UTRN: variants seen among roughly 807,000 people sequenced by gnomAD.
The protein encoded by UTRN is utrophin.
Under a neutral mutation model 463.9 loss-of-function variants are expected in UTRN, and 283 were observed. The observed-to-expected ratio is 0.61, with a 90% CI of 0.55 to 0.67. The LOEUF (loss-of-function observed/expected upper bound fraction) is 0.67, where lower values mean the gene tolerates loss of function less well. Ranked by LOEUF, UTRN falls within the 30% of genes least tolerant of loss-of-function variation. The probability of loss-of-function intolerance (pLI) is 0.00; values close to 1 mark genes in which losing one functional copy is unlikely to be tolerated. For synonymous variants in UTRN, 1,442 were observed against 1,431.5 expected, an observed-to-expected ratio of 1.01 and a Z score of -0.17; for missense variants, 3,922 against 4,084.3, an observed-to-expected ratio of 0.96 and a Z score of 1.08.
intron 51 of UTRN, among the ~76,000 whole-genome samples, chr6:144,658,544 C>T (rs1483127723): frequency 2.0e-5 from 3 of 152,074 alleles, no homozygotes; most frequent in Admixed American, 6.5e-5. Context: ...TAGGGGTTCC[C>T]CCCCCCACTT....
At position 144,557,322 on chromosome 6, in the gene UTRN, G is replaced by C. The variant is rs752703083; in HGVS notation, c.7289+11G>C. The C allele has an allele frequency of 6.2e-7, 1 of 1,604,926 alleles. No individual in the cohort carries two copies. The highest frequency in any genetic ancestry group is 2.2e-5 in the East Asian group (1 of 44,552). ...CAATCTCAAACAAAGGTAAGTCTAA[G>C]GCCCTGGCAGGTAAATGTATATTGT... On this transcript the variant is annotated intron_variant, in intron 50 of 74. Transcript: ENST00000367545.
chr6:144,337,677 T>G (rs1443457609), intron 2 of UTRN, among the ~76,000 whole-genome samples: 1 of 152,144 alleles, frequency 6.6e-6, no homozygotes, highest in African/African-American at 2.4e-5. Flanking sequence ...TGCAGTGGTG[T>G]GATCTCAGCC....
chr6:144,725,711 A>T (rs1787801614), intron 53 of UTRN, among the ~76,000 whole-genome samples: 1 of 152,254 alleles, frequency 6.6e-6, no homozygotes, highest in Non-Finnish European at 1.5e-5. Context: ...AGAGAGTTAA[A>T]GTGTGAAATG....
intron 11 of UTRN, 112 bp from the exon 12 acceptor site, chr6:144,438,633 T>A (rs1786819751): frequency 7.6e-7 from 1 of 1,314,490 alleles, no homozygotes; most frequent in Non-Finnish European, 1.1e-6. Context: ...CTACCTTGAA[T>A]GTTTAGACAA....
chr6:144,568,824 T>C (rs940948514), intron 50 of UTRN, among the ~76,000 whole-genome samples: 2 of 152,150 alleles, frequency 1.3e-5, no homozygotes, highest in African/African-American at 4.8e-5. Context: ...AAGCCCCTTA[T>C]TTTAAGGATG....
intron 2 of UTRN, among the ~76,000 whole-genome samples, chr6:144,369,294 A>G (rs1198671611): frequency 6.6e-6 from 1 of 152,164 alleles, no homozygotes; most frequent in Non-Finnish European, 1.5e-5. Flanking sequence ...GTGTAGTTGT[A>G]TTTTAAAAGT....
intron 51 of UTRN, chr6:144,660,411 G>A (rs1779752444): frequency 2.7e-6 from 1 of 371,836 alleles, no homozygotes; most frequent in Admixed American, 3.3e-5. Flanking sequence ...CAATTTTGCT[G>A]TCTCCTTTAA....
At chr6:144,485,306 G>C (rs1275955987) in intron 27 of UTRN, 79 bp from the exon 28 acceptor site, 1 of 1,551,154 alleles carries the variant, frequency 6.4e-7, no homozygotes, top group South Asian at 1.2e-5. Flanking sequence ...AATTATTAGC[G>C]ATTAAAGAGA....
At chr6:144,682,577 T>C (rs1247348778) in intron 52 of UTRN, among the ~76,000 whole-genome samples, 1 of 152,204 alleles carries the variant, frequency 6.6e-6, no homozygotes, top group Non-Finnish European at 1.5e-5. Flanking sequence ...CCATAGTGTT[T>C]ATATTAACTT....
chr6:144,474,625 A>G lies in UTRN; in HGVS notation c.3202A>G (p.Thr1068Ala). The part of the protein sequence containing the change: ...QCSAFVNEIE[T>A]IESSLKNMKE... Reference sequence around the variant, plus strand: ...TTAGGCATTTGTTAATGAAATAGAAACAATTGAATCATCTCTGAAAAACAT... The same window carrying G: ...TTAGGCATTTGTTAATGAAATAGAAGCAATTGAATCATCTCTGAAAAACAT... The change falls in exon 25 of 75, where the codon ACA becomes GCA. Residue 1068 changes from threonine to alanine, a missense_variant. Thr to Ala is a moderately conservative substitution (Grantham distance 58, BLOSUM62 0). This residue lies in a region of UTRN where 2,349 missense variants were observed against 2,303.8 expected (regional missense o/e 1.02). Transcript: ENST00000367545. 1 of 1,613,122 alleles carries G rather than the reference A, an allele frequency of 6.2e-7. No homozygotes were observed.
intron 50 of UTRN, among the ~76,000 whole-genome samples, chr6:144,557,998 T>G (rs987895405): frequency 6.6e-6 from 1 of 152,200 alleles, no homozygotes; most frequent in Admixed American, 6.5e-5. Flanking sequence ...ATCATGCATA[T>G]AGTACTGGGA....
chr6:144,485,888 C>CT (rs888228089), intron 28 of UTRN, among the ~76,000 whole-genome samples: 6 of 152,328 alleles, frequency 3.9e-5, no homozygotes, highest in East Asian at 3.9e-4. Flanking sequence ...AAACACAGCA[C>CT]TGACAGTTTA....
At chr6:144,658,708 T>C (rs1779572012) in intron 51 of UTRN, among the ~76,000 whole-genome samples, 1 of 152,274 alleles carries the variant, frequency 6.6e-6, no homozygotes, top group Admixed American at 6.5e-5. Flanking sequence ...ATTTCTGTTA[T>C]ACTTTATTGG....
rs185722330 is a variant in UTRN at position 144,748,251 on chromosome 6, A to G, written c.7945A>G (p.Thr2649Ala). The change falls in exon 55 of 75, where the codon ACT (threonine) becomes GCT (alanine). Residue 2649 changes from threonine to alanine, a missense_variant. Coordinates refer to ENST00000367545, the MANE Select transcript of UTRN (RefSeq NM_007124.3). ...RRNLQSKTEL[T>A]PEERAQKIAK... The stretch of plus-strand genomic sequence containing the variant: ...TTTCTTTTTTTTAATCACAGAATTA[A>G]CTCCTGAGGAGAGAGCCCAAAAGAT... 3.7e-5 allele frequency: 60 copies of G among 1,602,092 alleles called. No individual in the cohort carries two copies. The highest frequency in any genetic ancestry group is 8.5e-7 in the Non-Finnish European group (1 of 1,177,016).
At chr6:144,444,951 TG>T (rs1032617634) in intron 14 of UTRN, among the ~76,000 whole-genome samples, 3 of 152,236 alleles carry the variant, frequency 2.0e-5, no homozygotes, top group African/African-American at 7.2e-5. Flanking sequence ...ATAGGACTGG[TG>T]GCTCTTTGCC....
intron 36 of UTRN, 64 bp from the exon 37 acceptor site, chr6:144,514,586 G>A: frequency 3.3e-6 from 5 of 1,512,658 alleles, no homozygotes; most frequent in South Asian, 1.2e-5. Flanking sequence ...TTCTGTATAA[G>A]CATCACACTC....
intron 39 of UTRN, among the ~76,000 whole-genome samples, chr6:144,521,520 TTG>T (rs1796089628): frequency 6.6e-6 from 1 of 152,218 alleles, no homozygotes; most frequent in Admixed American, 6.5e-5. Context: ...GCATTTCATG[TTG>T]TGTTATGGAA....
intron 64 of UTRN, among the ~76,000 whole-genome samples, chr6:144,798,569 A>G (rs1777433085): frequency 6.6e-6 from 1 of 152,170 alleles, no homozygotes; most frequent in Admixed American, 6.5e-5. Context: ...TAAGGTGGAC[A>G]TTTTTGGACA....
At chr6:144,763,430 C>T (rs949806641) in intron 58 of UTRN, among the ~76,000 whole-genome samples, 2 of 152,150 alleles carry the variant, frequency 1.3e-5, no homozygotes, top group Non-Finnish European at 2.9e-5. Context: ...TGCCCTAATC[C>T]TTCAGTAACT....
Sources: gnomAD v4.1 joint callset for allele counts (sites outside exome capture counted in the v4.1 genomes callset) on GRCh38, gnomAD v4.1.1 for gene constraint, gnomAD v4.1.1 regional missense constraint, MANE v1.5 for transcripts, NCBI Gene and HGNC (gene_info 2026-07-23, HGNC 2026-07-21) for gene names.